Variants in ATRNL1 observed in about 807,000 individuals in gnomAD.
The protein encoded by ATRNL1 is attractin like 1, also known as attractin-like protein 1.
A neutral mutation model predicts 182.7 loss-of-function variants in ATRNL1; 95 were observed. The observed-to-expected ratio is 0.52, with a 90% confidence interval of 0.44 to 0.62. The LOEUF (loss-of-function observed/expected upper bound fraction) is 0.62. Ranked by LOEUF, ATRNL1 falls within the 20% of genes least tolerant of loss-of-function variation. ATRNL1 has a pLI of 0.00. For missense variants in ATRNL1, 1,471 were observed against 1,679.5 expected, an observed-to-expected ratio of 0.88 and a Z score of 2.17; for synonymous variants, 576 against 568.3, an observed-to-expected ratio of 1.01 and a Z score of -0.19.
chr10:115,532,144 A>G (rs1469435062), intron 25 of ATRNL1, among the ~76,000 whole-genome samples: 1 of 151,974 alleles, frequency 6.6e-6, no homozygotes, highest in Admixed American at 6.6e-5. Context: ...ATTTTAAAGT[A>G]GTTTTTTCCA....
At chr10:115,646,162 T>A (rs1593001625) in intron 26 of ATRNL1, among the ~76,000 whole-genome samples, 1 of 152,192 alleles carries the variant, frequency 6.6e-6, no homozygotes, top group East Asian at 1.9e-4. Flanking sequence ...CTTAAAATTA[T>A]ACTGATTTTT....
chr10:115,639,808 A>G (rs575881017), intron 26 of ATRNL1, among the ~76,000 whole-genome samples: 1 of 151,778 alleles, frequency 6.6e-6, no homozygotes, highest in Admixed American at 6.6e-5. Flanking sequence ...TTTTTTTTCA[A>G]TTTTTTTGAT....
At chr10:115,824,951 T>G (rs536761421) in intron 27 of ATRNL1, among the ~76,000 whole-genome samples, 7 of 152,300 alleles carry the variant, frequency 4.6e-5, no homozygotes, top group Non-Finnish European at 8.8e-5. Flanking sequence ...ATATGTTTAT[T>G]GCAGCACTGT....
Position 115,742,320 on chromosome 10 carries a change from G to C in ATRNL1, c.3903+14965G>C, listed in dbSNP as rs1948162531. ...GTGAAAGCAGAGAAAGGATCAAGAAGTCAAGTAGAAGTATTAATTTTAGAA... is the reference window on the plus strand; with the variant it reads ...GTGAAAGCAGAGAAAGGATCAAGAACTCAAGTAGAAGTATTAATTTTAGAA... On this transcript the variant is annotated intron_variant, in intron 27 of 28. Coordinates refer to ENST00000355044, the MANE Select transcript of ATRNL1 (RefSeq NM_207303.4). Among the ~76,000 whole-genome samples, 3 of 152,128 alleles carry C rather than the reference G, an allele frequency of 2.0e-5. No individual in the cohort carries two copies. In the South Asian group the frequency reaches 6.2e-4, roughly 31 times the overall value.
chr10:115,267,765 A>G (rs1230767383), intron 12 of ATRNL1, among the ~76,000 whole-genome samples: 6 of 151,964 alleles, frequency 3.9e-5, no homozygotes, highest in Non-Finnish European at 8.8e-5. Flanking sequence ...TAAAATACGT[A>G]AATTTATTTA....
At chr10:115,265,595 AC>A (rs1189235493) in intron 11 of ATRNL1, among the ~76,000 whole-genome samples, 1 of 151,676 alleles carries the variant, frequency 6.6e-6, no homozygotes, top group Non-Finnish European at 1.5e-5. Context: ...AAAAGATGGA[AC>A]TGAAATGATA....
At chr10:115,617,367 T>A (rs1857491622) in intron 26 of ATRNL1, among the ~76,000 whole-genome samples, 1 of 109,622 alleles carries the variant, frequency 9.1e-6, no homozygotes, top group Non-Finnish European at 2.0e-5. Flanking sequence ...TTTTTTGTTT[T>A]TTGTTTTTTT....
intron 27 of ATRNL1, among the ~76,000 whole-genome samples, chr10:115,847,480 T>C (rs1370961431): frequency 1.3e-5 from 2 of 152,124 alleles, no homozygotes; most frequent in Non-Finnish European, 2.9e-5. Flanking sequence ...TATATGTATA[T>C]GTATATCAAA....
intron 10 of ATRNL1, among the ~76,000 whole-genome samples, chr10:115,242,998 A>G (rs375942216): frequency 2.0e-5 from 3 of 152,116 alleles, no homozygotes; most frequent in South Asian, 2.1e-4. Flanking sequence ...GGGCCTGTCA[A>G]TATATTATTG....
chr10:115,786,447 G>A (rs1323071687), intron 27 of ATRNL1, among the ~76,000 whole-genome samples: 8 of 152,080 alleles, frequency 5.3e-5, no homozygotes, highest in South Asian at 2.1e-4. Context: ...TTCTACGTTC[G>A]GGTGGTTCCT....
At chr10:115,892,986 T>A (rs1375618896) in intron 28 of ATRNL1, among the ~76,000 whole-genome samples, 1 of 152,210 alleles carries the variant, frequency 6.6e-6, no homozygotes, top group Non-Finnish European at 1.5e-5. Context: ...GAATTCTTTA[T>A]AAACATATAT....
chr10:115,728,111 T>TAA (rs782146867), intron 27 of ATRNL1, among the ~76,000 whole-genome samples: 23 of 44,254 alleles, frequency 5.2e-4, no homozygotes, highest in South Asian at 9.8e-4. Flanking sequence ...CCGTCTCTAC[T>TAA]AAAAAAAAAA....
intron 21 of ATRNL1, among the ~76,000 whole-genome samples, chr10:115,429,348 A>G (rs1256087439): frequency 6.6e-6 from 1 of 152,088 alleles, no homozygotes; most frequent in Non-Finnish European, 1.5e-5. Context: ...TATTACATGA[A>G]AATAAGCACA....
intron 6 of ATRNL1, among the ~76,000 whole-genome samples, chr10:115,163,645 T>A (rs1234904316): frequency 6.6e-6 from 1 of 152,108 alleles, no homozygotes; most frequent in East Asian, 1.9e-4. Flanking sequence ...GGATTTCAGG[T>A]GTGAGCTACC....
At chr10:115,833,384 A>G (rs1269202808) in intron 27 of ATRNL1, among the ~76,000 whole-genome samples, 2 of 152,170 alleles carry the variant, frequency 1.3e-5, no homozygotes, top group Non-Finnish European at 2.9e-5. Flanking sequence ...AGCGTGCTCA[A>G]TGTAGAACCA....
intron 20 of ATRNL1, among the ~76,000 whole-genome samples, chr10:115,415,328 A>C (rs1218664694): frequency 6.6e-6 from 1 of 151,942 alleles, no homozygotes; most frequent in Non-Finnish European, 1.5e-5. Flanking sequence ...TTTTTATATC[A>C]CTTTTGTGAA....
At chr10:115,558,310 G>T (rs1565163786) in intron 26 of ATRNL1, among the ~76,000 whole-genome samples, 1 of 152,112 alleles carries the variant, frequency 6.6e-6, no homozygotes, top group Admixed American at 6.5e-5. Flanking sequence ...GAGCAAGCTG[G>T]TCAAGGGCCT....
chr10:115,755,238 T>C (rs1218016912), intron 27 of ATRNL1, among the ~76,000 whole-genome samples: 2 of 152,020 alleles, frequency 1.3e-5, no homozygotes, highest in Non-Finnish European at 2.9e-5. Context: ...GGGCATCCTT[T>C]TCTTGTGCTG....
chr10:115,436,138 G>A (rs1403093694), intron 21 of ATRNL1, among the ~76,000 whole-genome samples: 1 of 152,024 alleles, frequency 6.6e-6, no homozygotes, highest in African/African-American at 2.4e-5. Context: ...TTAAGTATCA[G>A]TCTTTTATTT....
Sources: allele counts gnomAD v4.1 joint callset (sites outside exome capture counted in the v4.1 genomes callset), GRCh38; gene constraint gnomAD v4.1.1; transcripts MANE v1.5; gene names NCBI Gene and HGNC (gene_info 2026-07-23, HGNC 2026-07-21).